Variants in MAGI1 observed in about 807,000 individuals in gnomAD.
MAGI1 encodes the protein membrane associated guanylate kinase, WW and PDZ domain containing 1, also known as membrane-associated guanylate kinase, WW and PDZ domain-containing protein 1.
Under a neutral mutation model 139.9 loss-of-function variants are expected in MAGI1, and 58 were observed. That is an observed-to-expected ratio of 0.41 (90% CI 0.34 to 0.52). The LOEUF is 0.52. MAGI1 is among the 20% of genes least tolerant of loss of function. The pLI is 0.12. For synonymous variants in MAGI1, 812 were observed against 737.9 expected (o/e 1.10, Z -1.63); for missense variants, 1,874 against 1,901.6 (o/e 0.99, Z 0.27).
At chr3:65,538,081 G>A (rs1451943746) in intron 2 of MAGI1, among the ~76,000 whole-genome samples, 1 of 152,246 alleles carries the variant, frequency 6.6e-6, no homozygotes, top group Non-Finnish European at 1.5e-5. Flanking sequence ...GTTGCAGTGA[G>A]CTGAGATCAC....
chr3:65,997,690 T>C (rs184496408), intron 1 of MAGI1, among the ~76,000 whole-genome samples: 1 of 151,848 alleles, frequency 6.6e-6, no homozygotes, highest in Admixed American at 6.6e-5. Context: ...TGAAATTTCA[T>C]GGAGTTCTGT....
intron 3 of MAGI1, among the ~76,000 whole-genome samples, chr3:65,481,623 C>T (rs1380643753): frequency 1.3e-5 from 2 of 152,040 alleles, no homozygotes; most frequent in Non-Finnish European, 2.9e-5. Context: ...GATGTGGAAC[C>T]CCTCCCTCGT....
At chr3:65,430,974 G>C (rs1249921665) in intron 10 of MAGI1, 93 bp from the exon 11 acceptor site, 1 of 1,163,258 alleles carries the variant, frequency 8.6e-7, no homozygotes, top group Non-Finnish European at 1.2e-6. Flanking sequence ...AATTCTTCAC[G>C]CTTATGCCCT....
At chr3:65,619,910 T>G in intron 2 of MAGI1, 7 of 985,292 alleles carry the variant, frequency 7.1e-6, no homozygotes, top group Non-Finnish European at 8.4e-6. Flanking sequence ...TTTACTGGTT[T>G]CACAGCCATA....
chr3:65,453,179 C>A, intron 6 of MAGI1, 79 bp downstream of exon 6: 1 of 1,253,218 alleles, frequency 8.0e-7, no homozygotes, highest in Non-Finnish European at 1.2e-6. Flanking sequence ...CCCGACTGAC[C>A]TGGCTACGAC....
intron 9 of MAGI1, 41 bp from the exon 10 acceptor site, chr3:65,437,288 T>G (rs960196555): frequency 5.4e-6 from 7 of 1,306,856 alleles, no homozygotes; most frequent in Non-Finnish European, 7.7e-6. Context: ...TTCCTTCAAA[T>G]GGCTCATTGA....
intron 1 of MAGI1, among the ~76,000 whole-genome samples, chr3:65,919,998 G>T (rs1011733421): frequency 6.6e-6 from 1 of 152,058 alleles, no homozygotes; most frequent in Non-Finnish European, 1.5e-5. Context: ...CTAACTTCAG[G>T]TCCGATGTTT....
At chr3:65,485,657 C>G (rs1951577667) in intron 3 of MAGI1, among the ~76,000 whole-genome samples, 1 of 152,160 alleles carries the variant, frequency 6.6e-6, no homozygotes, top group Non-Finnish European at 1.5e-5. Flanking sequence ...ATTCAAAGAA[C>G]AACATTTTTT....
At chr3:66,026,567 T>C (rs1277790270) in intron 1 of MAGI1, among the ~76,000 whole-genome samples, 1 of 151,372 alleles carries the variant, frequency 6.6e-6, no homozygotes, top group African/African-American at 2.4e-5. Flanking sequence ...ATAAGGATGT[T>C]GCCTTCAAGA....
chr3:65,773,684 T>C (rs1347858785), intron 1 of MAGI1, among the ~76,000 whole-genome samples: 2 of 152,210 alleles, frequency 1.3e-5, no homozygotes, highest in Non-Finnish European at 2.9e-5. Flanking sequence ...TTGTTTATCA[T>C]CTGGAAGTTC....
intron 2 of MAGI1, among the ~76,000 whole-genome samples, chr3:65,546,713 T>C (rs531753576): frequency 3.9e-5 from 6 of 152,324 alleles, no homozygotes; most frequent in East Asian, 1.9e-4. Context: ...GTAAATGTCA[T>C]AGTCAATCCA....
At chr3:65,865,972 G>T (rs2108462798) in intron 1 of MAGI1, among the ~76,000 whole-genome samples, 1 of 152,286 alleles carries the variant, frequency 6.6e-6, no homozygotes, top group Non-Finnish European at 1.5e-5. Flanking sequence ...CACAATGGCA[G>T]CAGCTGACAT....
chr3:66,026,640 T>C (rs2068277051), intron 1 of MAGI1, among the ~76,000 whole-genome samples: 1 of 151,554 alleles, frequency 6.6e-6, no homozygotes, highest in African/African-American at 2.4e-5. Context: ...CCATTGTGAC[T>C]CTTTGAAATA....
At chr3:65,491,782 T>C (rs1178953716) in intron 3 of MAGI1, among the ~76,000 whole-genome samples, 1 of 144,492 alleles carries the variant, frequency 6.9e-6, no homozygotes, top group East Asian at 2.3e-4. Context: ...CATCCCAACA[T>C]GTAGTTTCAG....
intron 1 of MAGI1, among the ~76,000 whole-genome samples, chr3:65,878,678 A>G (rs1223904516): frequency 6.6e-6 from 1 of 152,154 alleles, no homozygotes; most frequent in Non-Finnish European, 1.5e-5. Flanking sequence ...GACAAAATGG[A>G]TATGTTTCCC....
At chr3:65,475,092 CA>C (rs908714519) in intron 4 of MAGI1, among the ~76,000 whole-genome samples, 7 of 151,622 alleles carry the variant, frequency 4.6e-5, no homozygotes, top group Non-Finnish European at 1.0e-4. Flanking sequence ...TTAAGAATAT[CA>C]GGGATTATTG....
intron 1 of MAGI1, among the ~76,000 whole-genome samples, chr3:65,937,543 G>A (rs1481575911): frequency 2.0e-5 from 3 of 152,108 alleles, no homozygotes; most frequent in Admixed American, 1.3e-4. Context: ...TCTGACCACA[G>A]GCACCGGCAG....
At chr3:66,022,345 G>T (rs1026643446) in intron 1 of MAGI1, among the ~76,000 whole-genome samples, 1 of 152,122 alleles carries the variant, frequency 6.6e-6, no homozygotes, top group Admixed American at 6.5e-5. Flanking sequence ...ACAGCTACAT[G>T]AATTTTTCCT....
Position 65,914,703 on chromosome 3 carries a change from A to G in MAGI1, c.313+123293T>C, listed in dbSNP as rs1471110063. ...CCTAATAAGCATATTAAATTTACAA[A>G]TCACAAAGTTGAGAACAGTATCAAC... On this transcript the variant is annotated intron_variant, in intron 1 of 22. Coordinates refer to ENST00000402939, the MANE Select transcript of MAGI1 (RefSeq NM_001033057.2). Among the ~76,000 whole-genome samples the G allele has an allele frequency of 2.6e-5, 4 of 152,218 alleles. 1 individual carries two copies. Among genetic ancestry groups the G allele is most frequent in the Non-Finnish European group, 5.9e-5 (4 of 68,042 alleles).
Sources: gnomAD v4.1 joint callset for allele counts (sites outside exome capture counted in the v4.1 genomes callset) on GRCh38, gnomAD v4.1.1 for gene constraint, MANE v1.5 for transcripts, NCBI Gene and HGNC (gene_info 2026-07-23, HGNC 2026-07-21) for gene names.